Variants in ARHGAP32 observed in about 807,000 individuals in gnomAD.
The protein encoded by ARHGAP32 is rho GTPase-activating protein 32.
ARHGAP32 carries 51 observed loss-of-function variants against 186.5 expected under a neutral mutation model. The ratio of observed to expected loss-of-function variants is 0.27; its 90% CI spans 0.22 to 0.35. ARHGAP32 has a LOEUF of 0.35. ARHGAP32 is among the 10% of genes least tolerant of loss of function. The pLI, the probability that ARHGAP32 is intolerant of heterozygous loss-of-function variation, is 1.00. For missense variants in ARHGAP32, 2,186 were observed against 2,623.5 expected (o/e 0.83, Z 3.64); for synonymous variants, 950 against 964.3 (o/e 0.99, Z 0.27).
chr11:129,138,818 G>C (rs78020054), intron 2 of ARHGAP32, among the ~76,000 whole-genome samples: 1 of 152,088 alleles, frequency 6.6e-6, no homozygotes, highest in African/African-American at 2.4e-5. Flanking sequence ...ACAAAATAGC[G>C]TATTGAGAGA....
intron 12 of ARHGAP32, among the ~76,000 whole-genome samples, chr11:128,989,516 T>TCTCACACACACACACA (rs369034541): frequency 7.2e-6 from 1 of 138,926 alleles, no homozygotes; most frequent in Non-Finnish European, 1.5e-5. Context: ...GTTTTTTATT[T>TCTCACACACACACACA]CACACACACA....
At chr11:129,136,513 A>C (rs576898178) in intron 2 of ARHGAP32, among the ~76,000 whole-genome samples, 1 of 152,276 alleles carries the variant, frequency 6.6e-6, no homozygotes, top group Non-Finnish European at 1.5e-5. Flanking sequence ...ATAACAAAGT[A>C]AATAAAATTA....
At chr11:129,135,372 T>C (rs1565439352) in intron 2 of ARHGAP32, among the ~76,000 whole-genome samples, 1 of 152,128 alleles carries the variant, frequency 6.6e-6, no homozygotes, top group Non-Finnish European at 1.5e-5. Flanking sequence ...CAGCCAACAA[T>C]ATGGTTATCT....
intron 11 of ARHGAP32, among the ~76,000 whole-genome samples, chr11:129,005,494 C>T (rs950820483): frequency 1.3e-5 from 2 of 152,102 alleles, no homozygotes; most frequent in African/African-American, 2.4e-5. Context: ...ACTACTTCTT[C>T]ATGTTTGAAG....
In ARHGAP32 at chr11:129,251,697, G is replaced by C. The variant is rs559356125; in HGVS notation, c.-5+27449C>G. ...TAATCCCAGCTTGGGAGGCCGAGGT[G>C]GGGGGATCACCAGATCAGGAGATTG... On this transcript the variant is annotated intron_variant, in intron 1 of 6. Coordinates refer to the ARHGAP32 transcript ENST00000525234. 6.6e-5 allele frequency among the ~76,000 whole-genome samples: 10 copies of C among 151,944 alleles called. 1 individual carries two copies. Among genetic ancestry groups the C allele is most frequent in the South Asian group, 4.2e-4 (2 of 4,804 alleles).
intron 5 of ARHGAP32, among the ~76,000 whole-genome samples, chr11:129,094,356 C>G (rs973958216): frequency 6.6e-5 from 10 of 152,112 alleles, no homozygotes; most frequent in African/African-American, 2.4e-4. Flanking sequence ...TATAAACCTA[C>G]TCTGTATCCA....
At chr11:129,193,483 A>C (rs1309110169), upstream of ARHGAP32, among the ~76,000 whole-genome samples, 2 of 45,800 alleles carry the variant, frequency 4.4e-5, no homozygotes, top group Non-Finnish European at 8.6e-5. Flanking sequence ...CCCTGTCTCA[A>C]AAAAAAAAAA....
rs1945346659 is a variant in ARHGAP32, at chr11:128,970,856, T to C, written c.4357A>G (p.Asn1453Asp). ...GAAGCAGTGACAAAGGAATGATAAT[T>C]TGAACTGCTGGTGGCATCTGCACTG... is the stretch of plus-strand genomic sequence containing the variant. ...SSSADATSSS[N>D]YHSFVTASST... Residue 1453 changes from asparagine to aspartate, a missense_variant, in exon 23 of 23, where the codon AAT becomes GAT. Asn to Asp is a conservative substitution (Grantham distance 23, BLOSUM62 1). Transcript: ENST00000682385. The surrounding 1 kb of genome is among the most constrained non-coding windows in gnomAD (Gnocchi z 5.8). 1 of 1,614,046 alleles carries C rather than the reference T, an allele frequency of 6.2e-7. No individual in the cohort carries two copies. Among genetic ancestry groups the C allele is most frequent in the African/African-American group, 1.3e-5 (1 of 74,896 alleles).
chr11:128,983,786 A>T (rs559518670), intron 15 of ARHGAP32, among the ~76,000 whole-genome samples: 106 of 152,204 alleles, frequency 7.0e-4, no homozygotes, highest in Non-Finnish European at 1.2e-3. Flanking sequence ...GAGAATTGCA[A>T]ATTTAAAAAA....
At chr11:129,013,245 G>A (rs1938173245) in intron 11 of ARHGAP32, among the ~76,000 whole-genome samples, 1 of 152,198 alleles carries the variant, frequency 6.6e-6, no homozygotes, top group Non-Finnish European at 1.5e-5. Flanking sequence ...AAACTGTGCT[G>A]ACATACGTGC....
intron 11 of ARHGAP32, chr11:129,030,627 T>A (rs1439589782): frequency 6.6e-6 from 1 of 152,196 alleles, no homozygotes; most frequent in Non-Finnish European, 1.5e-5. Context: ...AAAAAAGTTA[T>A]CTTCAAATAA....
At chr11:129,164,215 G>T in intron 2 of ARHGAP32, 104 bp downstream of exon 2, 1 of 676,720 alleles carries the variant, frequency 1.5e-6, no homozygotes, top group Non-Finnish European at 2.4e-6. Context: ...AATGAACAAA[G>T]CAACAAAATT....
At chr11:128,975,713 A>G (rs1945523966) in intron 20 of ARHGAP32, among the ~76,000 whole-genome samples, 1 of 152,148 alleles carries the variant, frequency 6.6e-6, no homozygotes, top group African/African-American at 2.4e-5. Context: ...TAATTGCCAT[A>G]GTTAAAAAGT....
intron 8 of ARHGAP32, 88 bp downstream of exon 8, chr11:129,064,753 C>T: frequency 1.0e-6 from 1 of 987,200 alleles, no homozygotes; most frequent in Non-Finnish European, 1.5e-6. Context: ...TCCTGAAGCT[C>T]AATAGACATC....
At chr11:129,208,370 T>C (rs928691470) in intron 1 of ARHGAP32, among the ~76,000 whole-genome samples, 7 of 152,166 alleles carry the variant, frequency 4.6e-5, no homozygotes, top group African/African-American at 1.7e-4. Context: ...TAATAAACCT[T>C]GCTGAGCCTG....
chr11:129,151,067 A>G (rs937416172), intron 2 of ARHGAP32, among the ~76,000 whole-genome samples: 1 of 152,166 alleles, frequency 6.6e-6, no homozygotes, highest in Admixed American at 6.5e-5. Context: ...AAATGCAAGG[A>G]GGAGTAGCAA....
intron 1 of ARHGAP32, among the ~76,000 whole-genome samples, chr11:129,230,406 C>T (rs1157890525): frequency 1.3e-5 from 2 of 152,106 alleles, no homozygotes; most frequent in Non-Finnish European, 2.9e-5. Flanking sequence ...ATTTGTCTTT[C>T]CTCTCCCTAA....
In ARHGAP32 at chr11:129,066,776, C is replaced by T. The variant is rs1940707581; in HGVS notation, c.624G>A (p.Gln208=). 6.2e-7 allele frequency: 1 copy of T among 1,612,440 alleles called. No homozygotes were observed. The highest frequency in any genetic ancestry group is 1.3e-5 in the African/African-American group (1 of 74,944). Residue 208 remains glutamine (Q), a synonymous_variant, in exon 7 of 23, where the codon CAG becomes CAA. Coordinates refer to ENST00000682385, the MANE Select transcript of ARHGAP32 (RefSeq NM_001378024.1). ...TGTCAGAACGGGGAAGTTCTGAGAG[C>T]TGGGAAAATCTTCGGTCATAAATAC... ...HLCIYDRRFS[Q]LSELPRSDTL... is the part of the protein sequence containing the mutation.
At chr11:128,971,200 CCTCT>C in intron 22 of ARHGAP32, 41 bp from the exon 23 acceptor site, 1 of 1,520,870 alleles carries the variant, frequency 6.6e-7, no homozygotes. Flanking sequence ...TTTTTTGTTC[CCTCT>C]ATGAATCAAG....
Sources: gnomAD v4.1 joint callset for allele counts (sites outside exome capture counted in the v4.1 genomes callset) on GRCh38, gnomAD v4.1.1 for gene constraint, Gnocchi (gnomAD v3.1) non-coding constraint, MANE v1.5 for transcripts, NCBI Gene and HGNC (gene_info 2026-07-23, HGNC 2026-07-21) for gene names.